Variants in ASTN1 observed in about 807,000 individuals in gnomAD.
The protein encoded by ASTN1 is astrotactin-1.
Under a neutral mutation model 140.7 loss-of-function variants are expected in ASTN1, and 41 were observed. The observed-to-expected ratio is 0.29, with a 90% CI of 0.23 to 0.38. ASTN1 has a LOEUF of 0.38. Among genes scored for constraint, ASTN1 ranks in the 10% least tolerant of loss-of-function variants. The probability of loss-of-function intolerance (pLI) is 1.00; values close to 1 mark genes in which losing one functional copy is unlikely to be tolerated. For missense variants in ASTN1, 1,479 were observed against 1,678.8 expected (o/e 0.88, Z 2.08); for synonymous variants, 640 against 652.2 (o/e 0.98, Z 0.29).
chr1:176,901,819 C>A (rs1415425495), intron 16 of ASTN1, among the ~76,000 whole-genome samples: 1 of 152,208 alleles, frequency 6.6e-6, no homozygotes, highest in Non-Finnish European at 1.5e-5. Context: ...AACTGTCCAA[C>A]ACATCCAGAA....
intron 16 of ASTN1, among the ~76,000 whole-genome samples, chr1:176,896,350 C>T (rs1266832685): frequency 1.3e-5 from 2 of 152,158 alleles, no homozygotes; most frequent in Non-Finnish European, 2.9e-5. Flanking sequence ...ACTACTCAAA[C>T]CAAAAATAAG....
chr1:176,917,385 C>T (rs1162993419), intron 16 of ASTN1, among the ~76,000 whole-genome samples: 1 of 152,164 alleles, frequency 6.6e-6, no homozygotes, highest in Non-Finnish European at 1.5e-5. Flanking sequence ...CTTTCGTTTG[C>T]TGTCATGTTA....
intron 2 of ASTN1, among the ~76,000 whole-genome samples, chr1:177,046,235 C>T (rs956898073): frequency 6.6e-6 from 1 of 152,200 alleles, no homozygotes; most frequent in African/African-American, 2.4e-5. Context: ...TTCTCTCTCT[C>T]AGTCAGCAAA....
downstream of ASTN1, among the ~76,000 whole-genome samples, chr1:176,858,947 T>C (rs1004006408): frequency 1.3e-5 from 2 of 152,250 alleles, no homozygotes; most frequent in Non-Finnish European, 2.9e-5. Context: ...GGGCAAGATA[T>C]ATAAAGATAC....
At chr1:177,135,770 A>C (rs1039376241) in intron 1 of ASTN1, among the ~76,000 whole-genome samples, 2 of 152,154 alleles carry the variant, frequency 1.3e-5, no homozygotes, top group African/African-American at 4.8e-5. Context: ...TCCAGCTTAA[A>C]TATTTAAAAA....
chr1:176,884,379 C>T lies in ASTN1; in HGVS notation c.3186G>A (p.Glu1062=), dbSNP rs914406225. 1 of 1,614,202 alleles carries T rather than the reference C, an allele frequency of 6.2e-7. No homozygotes were observed. Among genetic ancestry groups the T allele is most frequent in the South Asian group, 1.1e-5 (1 of 91,090 alleles). Residue 1062 remains glutamate, a synonymous_variant, in exon 19 of 23, where the codon GAG becomes GAA. Transcript: ENST00000361833. The part of the protein sequence containing the change: ...VQIVDYLLRQ[E]KVTDRMDHSK... ...AGTGGTCCATCCTGTCAGTGACTTT[C>T]TCTTGACGGAGGAGGTAATCTACAA...
chr1:177,151,843 A>C (rs777173453), intron 1 of ASTN1, among the ~76,000 whole-genome samples: 1 of 152,160 alleles, frequency 6.6e-6, no homozygotes, highest in Non-Finnish European at 1.5e-5. Flanking sequence ...TGAAGCTAAG[A>C]ACATGTGGTG....
intron 1 of ASTN1, among the ~76,000 whole-genome samples, chr1:177,069,309 G>A (rs373499344): frequency 7.9e-5 from 12 of 152,086 alleles, no homozygotes; most frequent in East Asian, 7.7e-4. Context: ...GTGGCTCCCC[G>A]CTTTGTAGAA....
At chr1:177,014,042 T>A (rs1180741053) in intron 8 of ASTN1, among the ~76,000 whole-genome samples, 2 of 149,572 alleles carry the variant, frequency 1.3e-5, no homozygotes, top group Non-Finnish European at 3.0e-5. Flanking sequence ...CAAGACAATG[T>A]CTCAATTAAA....
intron 17 of ASTN1, among the ~76,000 whole-genome samples, chr1:176,890,330 C>T (rs904846428): frequency 6.6e-6 from 1 of 152,160 alleles, no homozygotes; most frequent in African/African-American, 2.4e-5. Flanking sequence ...TTTATCTGAG[C>T]TCTGAGGGCT....
rs560353123 is a variant in ASTN1, at chr1:177,099,921, C to T, written c.284-38656G>A. Among the ~76,000 whole-genome samples the T allele has an allele frequency of 1.2e-4, 18 of 152,146 alleles. No individual in the cohort carries two copies. The South Asian group carries it at 2.3e-3, about 19-fold the overall frequency. On this transcript the variant is annotated intron_variant, in intron 1 of 22. Coordinates refer to ENST00000361833, the MANE Select transcript of ASTN1 (RefSeq NM_004319.3). ...TGCATTTTCATTGATGTATCAAAAC[C>T]GCTAAAAATTCAAAGCAAAAGATTT...
intron 16 of ASTN1, among the ~76,000 whole-genome samples, chr1:176,931,125 A>T (rs975345699): frequency 1.3e-5 from 2 of 152,180 alleles, no homozygotes; most frequent in Admixed American, 6.5e-5. Context: ...GGGGACGGGG[A>T]GGTTGAAAAT....
At chr1:177,112,845 C>CT (rs1287996043) in intron 1 of ASTN1, among the ~76,000 whole-genome samples, 1 of 152,060 alleles carries the variant, frequency 6.6e-6, no homozygotes, top group Admixed American at 6.6e-5. Flanking sequence ...ATGCCCAGTG[C>CT]TCTTCTCATT....
intron 4 of ASTN1, 87 bp downstream of exon 4, chr1:177,030,719 T>G: frequency 2.6e-6 from 4 of 1,528,976 alleles, no homozygotes; most frequent in Non-Finnish European, 2.7e-6. Context: ...CAGCCACGCA[T>G]GAGAGAATGG....
intron 1 of ASTN1, among the ~76,000 whole-genome samples, chr1:177,090,238 C>A (rs937257339): frequency 1.3e-5 from 2 of 151,536 alleles, no homozygotes; most frequent in African/African-American, 4.9e-5. Context: ...ACACAGTACC[C>A]TGTTTATCTA....
intron 16 of ASTN1, among the ~76,000 whole-genome samples, chr1:176,913,138 C>T (rs1670324546): frequency 6.6e-6 from 1 of 152,218 alleles, no homozygotes; most frequent in Non-Finnish European, 1.5e-5. Context: ...TTCTCTCTTA[C>T]TTGGCTTCCT....
At chr1:176,960,499 T>G (rs960749438) in intron 9 of ASTN1, among the ~76,000 whole-genome samples, 1 of 152,240 alleles carries the variant, frequency 6.6e-6, no homozygotes, top group Non-Finnish European at 1.5e-5. Context: ...ATTTTTCTTT[T>G]GAAAGACGAG....
At chr1:177,058,583 T>C (rs1002104526) in intron 2 of ASTN1, among the ~76,000 whole-genome samples, 6 of 152,314 alleles carry the variant, frequency 3.9e-5, no homozygotes, top group African/African-American at 1.4e-4. Context: ...GGGGATCTAA[T>C]TTGAAAAAAC....
intron 2 of ASTN1, among the ~76,000 whole-genome samples, chr1:177,046,180 C>T (rs1163971206): frequency 6.6e-6 from 1 of 152,158 alleles, no homozygotes; most frequent in East Asian, 1.9e-4. Context: ...CATTGGCACA[C>T]TGAAGGCTCA....
Sources: gnomAD v4.1 joint callset for allele counts (sites outside exome capture counted in the v4.1 genomes callset) on GRCh38, gnomAD v4.1.1 for gene constraint, MANE v1.5 for transcripts, NCBI Gene and HGNC (gene_info 2026-07-23, HGNC 2026-07-21) for gene names.